Variants in RIT2 observed in about 807,000 individuals in gnomAD.
The protein encoded by RIT2 is GTP-binding protein Rit2.
In RIT2, 24 loss-of-function variants were observed where a neutral mutation model predicts 23.7. The observed-to-expected ratio is 1.01, with a 90% CI of 0.73 to 1.43. RIT2 has a LOEUF of 1.43. Among genes scored for constraint, RIT2 ranks in the 40% most tolerant of loss-of-function variants. The pLI is 0.00. For missense variants in RIT2, 236 were observed against 266.9 expected, an observed-to-expected ratio of 0.88 and a Z score of 0.81; for synonymous variants, 107 against 91.1, an observed-to-expected ratio of 1.17 and a Z score of -0.99.
At chr18:43,037,175 A>G (rs1380856219) in intron 1 of RIT2, among the ~76,000 whole-genome samples, 1 of 152,240 alleles carries the variant, frequency 6.6e-6, no homozygotes, top group Non-Finnish European at 1.5e-5. Context: ...TATACACACA[A>G]GAACACAATA....
intron 4 of RIT2, among the ~76,000 whole-genome samples, chr18:42,794,812 A>G (rs1914119501): frequency 6.6e-6 from 1 of 152,222 alleles, no homozygotes; most frequent in Non-Finnish European, 1.5e-5. Flanking sequence ...GAAATCTTTG[A>G]GGACTGCCTT....
intron 1 of RIT2, among the ~76,000 whole-genome samples, chr18:43,048,801 A>T (rs1912311214): frequency 6.6e-6 from 1 of 152,152 alleles, no homozygotes; most frequent in Admixed American, 6.6e-5. Flanking sequence ...TCTGTTTGAA[A>T]TATTACATTT....
At chr18:42,770,415 C>A (rs1913524040) in intron 4 of RIT2, among the ~76,000 whole-genome samples, 1 of 152,092 alleles carries the variant, frequency 6.6e-6, no homozygotes, top group African/African-American at 2.4e-5. Context: ...GTTGATGGAA[C>A]AGGAAGGAAG....
chr18:42,974,374 G>A lies in RIT2; in HGVS notation c.161-227C>T, dbSNP rs554749564. The stretch of plus-strand genomic sequence containing the variant: ...TTCTCTTTCATCAGGAAAATTTTGC[G>A]ATCTGAGGCGCCCTAGTGATGTTAC... On this transcript the variant is annotated intron_variant, in intron 2 of 4. Coordinates refer to ENST00000326695, the MANE Select transcript of RIT2 (RefSeq NM_002930.4). Among the ~76,000 whole-genome samples the A allele has an allele frequency of 9.1e-4, 139 of 152,044 alleles. 1 individual carries two copies. The highest frequency in any genetic ancestry group is 2.6e-3 in the African/African-American group (109 of 41,540).
intron 4 of RIT2, among the ~76,000 whole-genome samples, chr18:42,852,187 A>G (rs892081502): frequency 1.3e-5 from 2 of 152,236 alleles, no homozygotes; most frequent in Admixed American, 6.5e-5. Flanking sequence ...ACACAATAAA[A>G]TGGTAGCAGA....
At chr18:42,994,015 T>G (rs1465714592) in intron 2 of RIT2, among the ~76,000 whole-genome samples, 1 of 152,154 alleles carries the variant, frequency 6.6e-6, no homozygotes, top group Non-Finnish European at 1.5e-5. Context: ...TAGTTCAGGA[T>G]CTACACCTTA....
intron 3 of RIT2, among the ~76,000 whole-genome samples, chr18:42,965,517 A>T (rs1263712532): frequency 2.0e-5 from 3 of 152,274 alleles, no homozygotes; most frequent in East Asian, 1.9e-4. Flanking sequence ...TAATATTGTC[A>T]TTCATTTATA....
At chr18:42,784,421 T>C (rs1460937890) in intron 4 of RIT2, among the ~76,000 whole-genome samples, 4 of 152,082 alleles carry the variant, frequency 2.6e-5, no homozygotes, top group Non-Finnish European at 5.9e-5. Context: ...AATTACTTAC[T>C]CTTCATTTTC....
intron 3 of RIT2, among the ~76,000 whole-genome samples, chr18:42,929,035 A>AT (rs1555647363): frequency 1.2e-4 from 1 of 8,298 alleles, no homozygotes; most frequent in Non-Finnish European, 4.3e-4. Flanking sequence ...AAATATGGAG[A>AT]TATATATATA....
intron 4 of RIT2, among the ~76,000 whole-genome samples, chr18:42,891,462 G>A (rs537998057): frequency 3.0e-4 from 46 of 152,188 alleles, no homozygotes; most frequent in African/African-American, 1.1e-3. Context: ...CCTGCACATA[G>A]ATTCATGGTT....
intron 4 of RIT2, among the ~76,000 whole-genome samples, chr18:42,817,350 A>T (rs1906027288): frequency 6.6e-6 from 1 of 152,162 alleles, no homozygotes; most frequent in African/African-American, 2.4e-5. Flanking sequence ...TGAAAAGAAA[A>T]TCCATTTTGT....
chr18:42,763,887 G>T (rs1370279345), intron 4 of RIT2, among the ~76,000 whole-genome samples: 2 of 151,818 alleles, frequency 1.3e-5, no homozygotes, highest in East Asian at 3.9e-4. Flanking sequence ...ACACACATCA[G>T]CCTAGACCTA....
chr18:42,773,620 A>C (rs758576988), intron 4 of RIT2, among the ~76,000 whole-genome samples: 1 of 152,112 alleles, frequency 6.6e-6, no homozygotes, highest in Non-Finnish European at 1.5e-5. Flanking sequence ...CTCTATCCTC[A>C]ATTTTTGAGT....
At chr18:42,743,832 C>T (rs1203739749) in intron 4 of RIT2, 112 bp from the exon 5 acceptor site, 3 of 745,756 alleles carry the variant, frequency 4.0e-6, no homozygotes, top group South Asian at 1.9e-5. Context: ...GCCAAGCCAT[C>T]GTATCCCCTG....
At chr18:42,969,767 A>G (rs1418505548) in intron 3 of RIT2, among the ~76,000 whole-genome samples, 5 of 152,056 alleles carry the variant, frequency 3.3e-5, no homozygotes, top group African/African-American at 1.2e-4. Context: ...TAAACATGAT[A>G]TATATTTTGC....
intron 4 of RIT2, among the ~76,000 whole-genome samples, chr18:42,867,588 C>A (rs1014073225): frequency 1.1e-4 from 16 of 150,784 alleles, no homozygotes; most frequent in Non-Finnish European, 2.1e-4. Flanking sequence ...GAGTTGGAGA[C>A]CAGCCTAGGC....
chr18:42,888,529 T>TA (rs1908088166), intron 4 of RIT2, among the ~76,000 whole-genome samples: 1 of 151,768 alleles, frequency 6.6e-6, no homozygotes, highest in Non-Finnish European at 1.5e-5. Context: ...GTTTTTTTTT[T>TA]ATTTTTTTTC....
intron 2 of RIT2, among the ~76,000 whole-genome samples, chr18:43,024,066 C>G (rs377426536): frequency 1.3e-5 from 2 of 152,070 alleles, no homozygotes; most frequent in African/African-American, 4.8e-5. Flanking sequence ...GTCAGATGGT[C>G]AAGGTATGTC....
chr18:42,970,740 T>A (rs1236335401), intron 3 of RIT2, among the ~76,000 whole-genome samples: 3 of 152,048 alleles, frequency 2.0e-5, no homozygotes, highest in Non-Finnish European at 4.4e-5. Flanking sequence ...TATATCCATT[T>A]ATATTCAATC....
Sources: gnomAD v4.1 joint callset for allele counts (sites outside exome capture counted in the v4.1 genomes callset) on GRCh38, gnomAD v4.1.1 for gene constraint, MANE v1.5 for transcripts, NCBI Gene and HGNC (gene_info 2026-07-23, HGNC 2026-07-21) for gene names.